The following PAK5 variants were observed in gnomAD, a reference collection of about 807,000 sequenced individuals.
PAK5 encodes serine/threonine-protein kinase PAK 5.
A neutral mutation model predicts 65.9 loss-of-function variants in PAK5; 16 were observed. The observed-to-expected ratio is 0.24, with a 90% CI of 0.16 to 0.37. The LOEUF (loss-of-function observed/expected upper bound fraction) is 0.37. Among genes scored for constraint, PAK5 ranks in the 10% least tolerant of loss-of-function variants. The pLI, the probability that PAK5 is intolerant of heterozygous loss-of-function variation, is 1.00. For synonymous variants in PAK5, 371 were observed against 354.9 expected, an observed-to-expected ratio of 1.05 and a Z score of -0.51; for missense variants, 785 against 903.9, an observed-to-expected ratio of 0.87 and a Z score of 1.69.
At chr20:9,798,512 A>G (rs2049131915) in intron 1 of PAK5, among the ~76,000 whole-genome samples, 1 of 152,140 alleles carries the variant, frequency 6.6e-6, no homozygotes. Flanking sequence ...GATGTCGGGA[A>G]TCTTCCCTCT....
chr20:9,629,465 C>T (rs982834016), intron 3 of PAK5, among the ~76,000 whole-genome samples: 3 of 149,000 alleles, frequency 2.0e-5, no homozygotes, highest in Non-Finnish European at 4.5e-5. Flanking sequence ...CCTCTGGTGT[C>T]TCTTCCTCCT....
intron 1 of PAK5, among the ~76,000 whole-genome samples, chr20:9,791,078 A>G (rs964477292): frequency 6.6e-6 from 1 of 152,122 alleles, no homozygotes; most frequent in African/African-American, 2.4e-5. Flanking sequence ...AGTAAAGTCC[A>G]ATATTCAGCG....
chr20:9,696,600 G>C (rs541026911), intron 2 of PAK5, among the ~76,000 whole-genome samples: 1 of 152,052 alleles, frequency 6.6e-6, no homozygotes, highest in African/African-American at 2.4e-5. Flanking sequence ...TCTTTTTTCT[G>C]TTTCCTGATG....
At chr20:9,596,795 A>C (rs766853412) in intron 3 of PAK5, among the ~76,000 whole-genome samples, 5 of 152,166 alleles carry the variant, frequency 3.3e-5, no homozygotes, top group South Asian at 2.1e-4. Flanking sequence ...TCTCCCAGGC[A>C]ATTCCTAGTA....
chr20:9,640,419 C>T (rs1422895500), intron 3 of PAK5, among the ~76,000 whole-genome samples: 1 of 152,078 alleles, frequency 6.6e-6, no homozygotes, highest in African/African-American at 2.4e-5. Flanking sequence ...GCATAGTATT[C>T]CATGGTATAT....
chr20:9,546,416 T>A (rs2045345445), intron 7 of PAK5, among the ~76,000 whole-genome samples: 1 of 152,176 alleles, frequency 6.6e-6, no homozygotes, highest in Admixed American at 6.5e-5. Context: ...TGTACACACT[T>A]TAGGTTTATC....
At chr20:9,586,610 G>A (rs6077566) in intron 3 of PAK5, among the ~76,000 whole-genome samples, 7,378 of 152,030 alleles carry the variant, frequency 0.049, 206 homozygotes, top group Non-Finnish European at 0.065. Flanking sequence ...GTCATTAATC[G>A]TGCTATAAAT....
chr20:9,782,433 T>C (rs1183436232), intron 1 of PAK5, among the ~76,000 whole-genome samples: 1 of 152,248 alleles, frequency 6.6e-6, no homozygotes, highest in Admixed American at 6.5e-5. Flanking sequence ...CTGTGAGTCA[T>C]GCCAGTATCT....
chr20:9,806,873 T>C (rs897530947), intron 1 of PAK5, among the ~76,000 whole-genome samples: 1 of 152,186 alleles, frequency 6.6e-6, no homozygotes, highest in Non-Finnish European at 1.5e-5. Flanking sequence ...AAGTACAGAA[T>C]GGGTCTTATG....
chr20:9,672,889 T>A (rs2423407), intron 2 of PAK5, among the ~76,000 whole-genome samples: 8 of 152,154 alleles, frequency 5.3e-5, no homozygotes, highest in Non-Finnish European at 1.0e-4. Flanking sequence ...CAGCAATAGC[T>A]TCACCTATAA....
At chr20:9,691,163 T>A (rs116744283) in intron 2 of PAK5, among the ~76,000 whole-genome samples, 74 of 152,278 alleles carry the variant, frequency 4.9e-4, no homozygotes, top group African/African-American at 1.6e-3. Context: ...GCCTGCTAGT[T>A]TCCTAGAAAC....
chr20:9,552,729 T>C (rs368762090), intron 7 of PAK5, among the ~76,000 whole-genome samples: 27,233 of 151,662 alleles, frequency 0.18, 3,088 homozygotes, highest in African/African-American at 0.32. Context: ...TTTTAGTTTT[T>C]TTTTTTTTTG....
chr20:9,772,795 C>T lies in PAK5; in HGVS notation c.-161-61360G>A, dbSNP rs535541300. ...ACTTTCCTCCTATTTCAAGGCATCC[C>T]TATTCTTCTTGGCCCAATAGTCAGG... On this transcript the variant is annotated intron_variant, in intron 1 of 9. Transcript: ENST00000353224. 7.9e-5 allele frequency among the ~76,000 whole-genome samples: 12 copies of T among 152,316 alleles called. No individual in the cohort carries two copies. The South Asian group carries it at 2.3e-3, about 29-fold the overall frequency.
chr20:9,685,892 C>T (rs1244180198), intron 2 of PAK5, among the ~76,000 whole-genome samples: 1 of 152,180 alleles, frequency 6.6e-6, no homozygotes, highest in African/African-American at 2.4e-5. Context: ...CTGCCTGCAT[C>T]CCTGGCCTGG....
chr20:9,612,644 C>T (rs2046584300), intron 3 of PAK5, among the ~76,000 whole-genome samples: 1 of 152,124 alleles, frequency 6.6e-6, no homozygotes, highest in South Asian at 2.1e-4. Flanking sequence ...CCCCCCCGAT[C>T]CAATCACCTC....
At chr20:9,732,162 G>C (rs1204957813) in intron 1 of PAK5, among the ~76,000 whole-genome samples, 1 of 149,832 alleles carries the variant, frequency 6.7e-6, no homozygotes, top group Admixed American at 6.7e-5. Context: ...CATCAAAAAT[G>C]GAAAAAACTC....
intron 9 of PAK5, among the ~76,000 whole-genome samples, chr20:9,542,365 C>T (rs958483130): frequency 6.6e-6 from 1 of 152,162 alleles, no homozygotes; most frequent in Admixed American, 6.5e-5. Flanking sequence ...CCAATCATAA[C>T]CCATTTTACA....
At chr20:9,685,653 C>G (rs1048870158) in intron 2 of PAK5, among the ~76,000 whole-genome samples, 1 of 152,310 alleles carries the variant, frequency 6.6e-6, no homozygotes, top group African/African-American at 2.4e-5. Flanking sequence ...TTAAGTCACC[C>G]AGTTTGTGGT....
intron 2 of PAK5, among the ~76,000 whole-genome samples, chr20:9,654,710 C>T (rs1432812561): frequency 6.6e-6 from 1 of 152,146 alleles, no homozygotes; most frequent in African/African-American, 2.4e-5. Flanking sequence ...GGGGACCACC[C>T]CTTGGTACCT....
Sources: gnomAD v4.1 joint callset for allele counts (sites outside exome capture counted in the v4.1 genomes callset) on GRCh38, gnomAD v4.1.1 for gene constraint, MANE v1.5 for transcripts, NCBI Gene and HGNC (gene_info 2026-07-23, HGNC 2026-07-21) for gene names.